EYA1: variants seen among roughly 807,000 people sequenced by gnomAD.
EYA1 encodes protein phosphatase EYA1.
Under a neutral mutation model 82.0 loss-of-function variants are expected in EYA1, and 16 were observed. The ratio of observed to expected loss-of-function variants is 0.20; its 90% CI spans 0.13 to 0.30. EYA1 has a LOEUF of 0.30. Ranked by LOEUF, EYA1 falls within the 10% of genes least tolerant of loss-of-function variation. The pLI, the probability that EYA1 is intolerant of heterozygous loss-of-function variation, is 1.00. For missense variants in EYA1, 633 were observed against 730.7 expected (o/e 0.87, Z 1.54); for synonymous variants, 261 against 264.4 (o/e 0.99, Z 0.12).
intron 2 of EYA1, among the ~76,000 whole-genome samples, chr8:71,490,346 A>C (rs1209349239): frequency 6.6e-6 from 1 of 152,214 alleles, no homozygotes; most frequent in Non-Finnish European, 1.5e-5. Flanking sequence ...TGATTTGCTT[A>C]ATTAAGTAAC....
At chr8:71,513,819 T>A (rs1290941154) in intron 2 of EYA1, among the ~76,000 whole-genome samples, 2 of 152,056 alleles carry the variant, frequency 1.3e-5, no homozygotes, top group Non-Finnish European at 2.9e-5. Context: ...GATTTTTAGA[T>A]CCCACAAATA....
intron 3 of EYA1, among the ~76,000 whole-genome samples, chr8:71,344,853 C>G (rs998403894): frequency 1.3e-5 from 2 of 152,220 alleles, no homozygotes; most frequent in African/African-American, 2.4e-5. Context: ...AAATGGCTTA[C>G]TTGCCTAAAA....
chr8:71,278,739 G>T (rs1015911153), intron 9 of EYA1, among the ~76,000 whole-genome samples: 1 of 152,142 alleles, frequency 6.6e-6, no homozygotes, highest in South Asian at 2.1e-4. Context: ...CGACATGAAG[G>T]CCTGGTTGGC....
At chr8:71,453,896 A>G (rs1472052003) in intron 2 of EYA1, among the ~76,000 whole-genome samples, 1 of 152,214 alleles carries the variant, frequency 6.6e-6, no homozygotes, top group East Asian at 1.9e-4. Context: ...CATCATAATG[A>G]CAGGATCAAG....
intron 3 of EYA1, among the ~76,000 whole-genome samples, chr8:71,354,494 A>G (rs1422958987): frequency 1.3e-5 from 2 of 152,232 alleles, no homozygotes; most frequent in Non-Finnish European, 2.9e-5. Flanking sequence ...AAGAAGATAA[A>G]ACACACTCAA....
chr8:71,308,206 T>C (rs1343464736), intron 7 of EYA1, among the ~76,000 whole-genome samples: 20 of 152,182 alleles, frequency 1.3e-4, no homozygotes, highest in Non-Finnish European at 7.3e-5. Flanking sequence ...TTAAGTGGTA[T>C]TAATTTTTGG....
chr8:71,541,219 T>G (rs1815112973), intron 1 of EYA1, among the ~76,000 whole-genome samples: 1 of 152,224 alleles, frequency 6.6e-6, no homozygotes. Context: ...ACTGAAGATG[T>G]TAATGAAAAA....
intron 12 of EYA1, among the ~76,000 whole-genome samples, chr8:71,222,020 C>T (rs529990404): frequency 1.3e-5 from 2 of 152,140 alleles, no homozygotes; most frequent in East Asian, 1.9e-4. Flanking sequence ...GGTTAAACAC[C>T]GCACTTGACC....
At chr8:71,489,104 G>A (rs1458761306) in intron 2 of EYA1, among the ~76,000 whole-genome samples, 1 of 152,176 alleles carries the variant, frequency 6.6e-6, no homozygotes, top group Non-Finnish European at 1.5e-5. Flanking sequence ...CAACTGGTAT[G>A]TTTTTATGTG....
chr8:71,501,965 T>C (rs779702051), intron 2 of EYA1, among the ~76,000 whole-genome samples: 45 of 152,306 alleles, frequency 3.0e-4, no homozygotes, highest in Non-Finnish European at 5.3e-4. Flanking sequence ...TCAACAAAGA[T>C]CTCTTAATTC....
chr8:71,234,688 A>G (rs1326946396), intron 12 of EYA1, among the ~76,000 whole-genome samples: 1 of 151,598 alleles, frequency 6.6e-6, no homozygotes, highest in Non-Finnish European at 1.5e-5. Flanking sequence ...TTGGTACCAA[A>G]ATGCTCAATC....
chr8:71,539,946 C>A (rs983764730), intron 1 of EYA1, among the ~76,000 whole-genome samples: 6 of 152,118 alleles, frequency 3.9e-5, no homozygotes, highest in Admixed American at 3.9e-4. Flanking sequence ...CATATAAAAT[C>A]CCCCTTGGGA....
intron 2 of EYA1, among the ~76,000 whole-genome samples, chr8:71,445,268 G>A (rs1399029149): frequency 1.3e-5 from 2 of 152,100 alleles, no homozygotes; most frequent in East Asian, 1.9e-4. Flanking sequence ...TACTGAATGA[G>A]TTTTTCTAGC....
chr8:71,267,232 C>T (rs924614015), intron 11 of EYA1, among the ~76,000 whole-genome samples: 77 of 152,298 alleles, frequency 5.1e-4, no homozygotes, highest in African/African-American at 1.8e-3. Context: ...CATCCCTGAC[C>T]ACATCTCATT....
chr8:71,422,805 G>A (rs1831214477), intron 2 of EYA1, among the ~76,000 whole-genome samples: 1 of 152,088 alleles, frequency 6.6e-6, no homozygotes, highest in African/African-American at 2.4e-5. Context: ...AACAGCATGA[G>A]GGTAACCGCC....
In EYA1 at chr8:71,197,757, T is replaced by G. The variant is rs962919144; in HGVS notation, c.*1583A>C. ...CTACTTCGGGTCAAAGCTGGTGTTT[T>G]TCCCGCCCAATATATGATTGATTAA... On this transcript the variant is annotated 3_prime_UTR_variant, in exon 18 of 18. Transcript: ENST00000340726. 6.6e-6 allele frequency: 1 copy of G among 152,606 alleles called. No individual in the cohort carries two copies. Among genetic ancestry groups the G allele is most frequent in the African/African-American group, 2.4e-5 (1 of 41,444 alleles). 9.5% of individuals were successfully genotyped at this position (152,606 alleles called of 1,614,324 possible).
chr8:71,320,009 G>C (rs980499529), intron 6 of EYA1, among the ~76,000 whole-genome samples: 1 of 152,074 alleles, frequency 6.6e-6, no homozygotes, highest in Non-Finnish European at 1.5e-5. Flanking sequence ...ACTGAGCCTC[G>C]CTCTCTCCCC....
chr8:71,333,548 T>A (rs960120491), intron 4 of EYA1, among the ~76,000 whole-genome samples: 4 of 152,228 alleles, frequency 2.6e-5, no homozygotes, highest in Non-Finnish European at 4.4e-5. Flanking sequence ...TTGTCAGTAA[T>A]TTCATTATGA....
chr8:71,299,078 G>A lies in EYA1; in HGVS notation c.795C>T (p.Ile265=), dbSNP rs1282278829. Residue 265 remains isoleucine, a synonymous_variant, in exon 9 of 18, where the codon ATC becomes ATT. Transcript: ENST00000340726. Reference sequence around the variant, plus strand: ...TGGGATCTGTAACTGCTTGGCTGGTGATGCCAGATGGCGGTTCTTGAAGCT... The same window carrying A: ...TGGGATCTGTAACTGCTTGGCTGGTAATGCCAGATGGCGGTTCTTGAAGCT... ...TYQLQEPPSG[I]TSQAVTDPTA... 8 of 1,613,986 alleles carry A rather than the reference G, an allele frequency of 5.0e-6. No homozygotes were observed. In the Admixed American group the frequency reaches 5.0e-5, roughly 10 times the overall value.
Sources: gnomAD v4.1 joint callset for allele counts (sites outside exome capture counted in the v4.1 genomes callset) on GRCh38, gnomAD v4.1.1 for gene constraint, MANE v1.5 for transcripts, NCBI Gene and HGNC (gene_info 2026-07-23, HGNC 2026-07-21) for gene names.